The following GAS7 variants were observed in gnomAD, a reference collection of about 807,000 sequenced individuals.
GAS7 encodes the protein growth arrest-specific protein 7.
A neutral mutation model predicts 71.1 loss-of-function variants in GAS7; 28 were observed. The observed-to-expected ratio is 0.39, with a 90% CI of 0.29 to 0.54. The LOEUF (loss-of-function observed/expected upper bound fraction) is 0.54. Ranked by LOEUF, GAS7 falls within the 20% of genes least tolerant of loss-of-function variation. The pLI, the probability that GAS7 is intolerant of heterozygous loss-of-function variation, is 0.62. For missense variants in GAS7, 436 were observed against 627.8 expected (o/e 0.69, Z 3.27); for synonymous variants, 258 against 245.8 (o/e 1.05, Z -0.46).
At chr17:10,197,022 C>T (rs116244314) in intron 1 of GAS7, among the ~76,000 whole-genome samples, 2,092 of 152,280 alleles carry the variant, frequency 0.014, 49 homozygotes, top group African/African-American at 0.048. Flanking sequence ...TCAAATGCTA[C>T]TGATGCCTTT....
At chr17:10,125,779 C>T (rs1438640952) in intron 1 of GAS7, among the ~76,000 whole-genome samples, 1 of 151,796 alleles carries the variant, frequency 6.6e-6, no homozygotes, top group East Asian at 1.9e-4. Context: ...TCTGGAAGGG[C>T]CTTAAAGGAT....
rs115821103 is a variant in GAS7 at position 9,914,952 on chromosome 17, C to T, written c.*2276G>A. On this transcript the variant is annotated 3_prime_UTR_variant, in exon 14 of 14. Transcript: ENST00000432992. ...GACCGGTAAGACCCCTGAAAACGAG[C>T]GATCACGGGCTTCCCTGACGACAGG... 2,265 of 232,298 alleles carry T rather than the reference C, an allele frequency of 9.8e-3. 46 individuals are homozygous for T. The highest frequency in any genetic ancestry group is 0.045 in the African/African-American group (2,047 of 45,396). The allele number at this position is 232,298 out of a possible 1,614,324, so 14.4% of individuals were successfully genotyped here.
chr17:9,999,854 T>C (rs376764898), intron 2 of GAS7, among the ~76,000 whole-genome samples: 35 of 150,444 alleles, frequency 2.3e-4, no homozygotes, highest in African/African-American at 7.0e-4. Flanking sequence ...CAGCATCTTA[T>C]AGTTGAAGGA....
At chr17:10,156,677 G>T (rs1214178999) in intron 1 of GAS7, among the ~76,000 whole-genome samples, 1 of 152,180 alleles carries the variant, frequency 6.6e-6, no homozygotes, top group Non-Finnish European at 1.5e-5. Context: ...GGTTCATGAG[G>T]AAAGCGAGGT....
At position 10,009,709 on chromosome 17, in the gene GAS7, CT is replaced by C. The variant is rs939160260; in HGVS notation, c.304+10067del. On this transcript the variant is annotated intron_variant, in intron 2 of 13. Transcript: ENST00000432992. The stretch of plus-strand genomic sequence containing the variant: ...AAAAAACCAAACAAAAAATAAAACA[CT>C]TTTTTTTTTCCAGTAGCCTGGTGTG... 8.4e-3 allele frequency among the ~76,000 whole-genome samples: 1,223 copies of C among 144,798 alleles called. 10 individuals are homozygous for C. Among genetic ancestry groups the C allele is most frequent in the Middle Eastern group, 0.033 (9 of 272 alleles). The allele number at this position is 144,798 out of a possible 152,430, so 95.0% of individuals were successfully genotyped here.
chr17:10,067,319 G>A (rs886991161), intron 1 of GAS7, among the ~76,000 whole-genome samples: 15 of 152,082 alleles, frequency 9.9e-5, no homozygotes, highest in Middle Eastern at 3.4e-3. Context: ...ATCTCGGCTC[G>A]CTGCAACCTC....
intron 7 of GAS7, among the ~76,000 whole-genome samples, chr17:9,942,257 GA>G (rs879864780): frequency 3.7e-3 from 502 of 137,430 alleles, no homozygotes; most frequent in South Asian, 0.012. Flanking sequence ...CTGTCTAAAA[GA>G]AAAAAAAAAA....
intron 2 of GAS7, among the ~76,000 whole-genome samples, chr17:10,013,527 T>G (rs1235684785): frequency 6.6e-6 from 1 of 152,320 alleles, no homozygotes; most frequent in Non-Finnish European, 1.5e-5. Context: ...AAGGCCACTC[T>G]GCATGATGAA....
In GAS7 at chr17:9,958,933, C is replaced by T. The variant is rs939481950; in HGVS notation, c.525+269G>A. ...CACTCCCGCACGCATACCTTCCCCT[C>T]CTGCCCTGAAAAAACGGCTTCTGCA... On this transcript the variant is annotated intron_variant, in intron 5 of 13. Coordinates refer to ENST00000432992, the MANE Select transcript of GAS7 (RefSeq NM_201433.2). The T allele has an allele frequency of 7.3e-6, 10 of 1,373,308 alleles. No individual in the cohort carries two copies. In the Admixed American group the frequency reaches 1.6e-4, roughly 22 times the overall value. 85.1% of individuals were successfully genotyped at this position (1,373,308 alleles called of 1,614,324 possible). A position where few individuals can be genotyped will look rare whatever the true frequency, so the allele number is the denominator to read the frequency against.
At chr17:10,074,950 T>C (rs1398279648) in intron 1 of GAS7, among the ~76,000 whole-genome samples, 2 of 114,752 alleles carry the variant, frequency 1.7e-5, no homozygotes, top group Non-Finnish European at 3.6e-5. Flanking sequence ...CAAAAGAAAC[T>C]ACAAAAAAAA....
intron 1 of GAS7, among the ~76,000 whole-genome samples, chr17:10,032,409 T>C (rs1409796683): frequency 6.6e-6 from 1 of 152,202 alleles, no homozygotes; most frequent in African/African-American, 2.4e-5. Flanking sequence ...TCTGATATCC[T>C]AGCCCCAACT....
chr17:10,149,317 G>A (rs891278067), intron 1 of GAS7, among the ~76,000 whole-genome samples: 1 of 152,082 alleles, frequency 6.6e-6, no homozygotes, highest in African/African-American at 2.4e-5. Flanking sequence ...TAGCCAGGCT[G>A]GTCCCAAACT....
chr17:10,040,501 C>T (rs1157750732), intron 1 of GAS7, among the ~76,000 whole-genome samples: 8 of 152,104 alleles, frequency 5.3e-5, no homozygotes, highest in African/African-American at 1.7e-4. Flanking sequence ...TAGAAATCAT[C>T]ATGATACCAG....
At chr17:10,115,916 C>T (rs2073857103) in intron 1 of GAS7, among the ~76,000 whole-genome samples, 1 of 152,154 alleles carries the variant, frequency 6.6e-6, no homozygotes, top group South Asian at 2.1e-4. Context: ...AAGGAGCTCT[C>T]CCAAACAGAT....
chr17:10,042,777 G>C (rs1194891441), intron 1 of GAS7, among the ~76,000 whole-genome samples: 1 of 152,218 alleles, frequency 6.6e-6, no homozygotes, highest in Non-Finnish European at 1.5e-5. Flanking sequence ...ACAAGGGCTT[G>C]ACTGGAGCCC....
At chr17:10,107,238 C>T (rs1416693888) in intron 1 of GAS7, among the ~76,000 whole-genome samples, 2 of 152,250 alleles carry the variant, frequency 1.3e-5, no homozygotes, top group African/African-American at 4.8e-5. Flanking sequence ...GAAACTAACA[C>T]ACTTCCTCTT....
At chr17:9,939,839 A>T (rs2068535248) in intron 8 of GAS7, among the ~76,000 whole-genome samples, 1 of 152,020 alleles carries the variant, frequency 6.6e-6, no homozygotes, top group Admixed American at 6.5e-5. Context: ...CGAACTCCTG[A>T]CCTTGTGATC....
intron 1 of GAS7, among the ~76,000 whole-genome samples, chr17:10,147,868 A>G (rs2074133445): frequency 6.6e-6 from 1 of 152,214 alleles, no homozygotes; most frequent in Non-Finnish European, 1.5e-5. Context: ...CTCATAATAA[A>G]AAGAGTACAG....
intron 2 of GAS7, among the ~76,000 whole-genome samples, chr17:9,995,972 T>C (rs1230552532): frequency 6.6e-6 from 1 of 152,228 alleles, no homozygotes; most frequent in African/African-American, 2.4e-5. Context: ...GTTCTCACTT[T>C]AACAAAAGGG....
Sources: allele counts gnomAD v4.1 joint callset (sites outside exome capture counted in the v4.1 genomes callset), GRCh38; gene constraint gnomAD v4.1.1; transcripts MANE v1.5; gene names NCBI Gene and HGNC (gene_info 2026-07-23, HGNC 2026-07-21).